Variants in LRCH1 observed in about 807,000 individuals in gnomAD.
LRCH1 encodes the protein leucine rich repeats and calponin homology domain containing 1.
A neutral mutation model predicts 94.9 loss-of-function variants in LRCH1; 23 were observed. That is an observed-to-expected ratio of 0.24 (90% CI 0.17 to 0.34). The LOEUF is 0.34. LRCH1 is among the 10% of genes least tolerant of loss of function. The probability of loss-of-function intolerance (pLI) is 1.00; values close to 1 mark genes in which losing one functional copy is unlikely to be tolerated. For missense variants in LRCH1, 790 were observed against 945.9 expected (o/e 0.84, Z 2.16); for synonymous variants, 364 against 354.9 (o/e 1.03, Z -0.29).
At chr13:46,711,174 G>A (rs1324071414) in intron 13 of LRCH1, among the ~76,000 whole-genome samples, 1 of 152,086 alleles carries the variant, frequency 6.6e-6, no homozygotes, top group African/African-American at 2.4e-5. Flanking sequence ...TGTGTTCTCC[G>A]TGGTATTCAG....
intron 2 of LRCH1, among the ~76,000 whole-genome samples, chr13:46,660,785 T>G (rs1249309627): frequency 6.6e-6 from 1 of 152,212 alleles, no homozygotes; most frequent in Non-Finnish European, 1.5e-5. Flanking sequence ...ATGCCTCTTG[T>G]GTCTCAAATA....
intron 1 of LRCH1, 106 bp from the exon 2 acceptor site, chr13:46,650,095 G>A (rs2051273129): frequency 8.5e-6 from 6 of 707,320 alleles, no homozygotes; most frequent in Admixed American, 6.4e-5. Flanking sequence ...AAATGATAAT[G>A]TTGGTCAAAA....
intron 1 of LRCH1, among the ~76,000 whole-genome samples, chr13:46,634,392 T>C (rs1379763665): frequency 6.6e-6 from 1 of 152,212 alleles, no homozygotes; most frequent in East Asian, 1.9e-4. Flanking sequence ...ACCTGGATCT[T>C]TGTAACCATG....
At chr13:46,617,917 G>A (rs1056538278) in intron 1 of LRCH1, among the ~76,000 whole-genome samples, 1 of 152,042 alleles carries the variant, frequency 6.6e-6, no homozygotes, top group Admixed American at 6.6e-5. Flanking sequence ...TGAGCACTAG[G>A]TATTACTAGA....
intron 1 of LRCH1, among the ~76,000 whole-genome samples, chr13:46,604,647 G>A (rs905117822): frequency 6.6e-6 from 1 of 152,126 alleles, no homozygotes; most frequent in South Asian, 2.1e-4. Flanking sequence ...TGTTCTACAA[G>A]GTTTATCCTT....
chr13:46,735,791 TTC>T (rs1555289042), intron 19 of LRCH1, among the ~76,000 whole-genome samples: 13,743 of 45,430 alleles, frequency 0.3, 1,522 homozygotes, highest in Middle Eastern at 0.39. Flanking sequence ...TCTTTTTCTT[TTC>T]TTTTTTTTTT....
At chr13:46,658,872 A>G (rs1013551813) in intron 2 of LRCH1, among the ~76,000 whole-genome samples, 3 of 152,224 alleles carry the variant, frequency 2.0e-5, no homozygotes, top group African/African-American at 7.2e-5. Context: ...TGTTTGAAAT[A>G]GATTCATTAG....
At position 46,711,786 on chromosome 13, in the gene LRCH1, T is replaced by A; in HGVS notation, c.1528-5T>A. The A allele has an allele frequency of 6.2e-7, 1 of 1,611,622 alleles. No individual in the cohort carries two copies. The highest frequency in any genetic ancestry group is 8.5e-7 in the Non-Finnish European group (1 of 1,178,576). On this transcript the variant is annotated splice_polypyrimidine_tract_variant and splice_region_variant and intron_variant, in intron 13 of 19. Coordinates refer to ENST00000389797, the MANE Select transcript of LRCH1 (RefSeq NM_001164211.2). ...ACATACCATGCTTTGTTCTTCTTTT[T>A]TAAGGTGCAAAGTGATCTAACATTA...
At position 46,744,463 on chromosome 13, in the gene LRCH1, C is replaced by G. The variant is rs1034585293; in HGVS notation, c.*2615C>G. On this transcript the variant is annotated 3_prime_UTR_variant, in exon 20 of 20. Transcript: ENST00000389797. The stretch of plus-strand genomic sequence containing the variant: ...TTTGTGACACCTAATTTCTAATCAT[C>G]TTTCCTATTTATGGATTTCTGGTTT... 2 of 985,412 alleles carry G rather than the reference C, an allele frequency of 2.0e-6. No homozygotes were observed. Among genetic ancestry groups the G allele is most frequent in the Non-Finnish European group, 2.4e-6 (2 of 829,920 alleles). 61.0% of individuals were successfully genotyped at this position (985,412 alleles called of 1,614,324 possible).
intron 1 of LRCH1, among the ~76,000 whole-genome samples, chr13:46,643,313 A>G (rs987092933): frequency 1.3e-5 from 2 of 152,208 alleles, no homozygotes; most frequent in Non-Finnish European, 2.9e-5. Context: ...TGCTTCTGGC[A>G]TGGCTCTGAC....
intron 14 of LRCH1, 74 bp downstream of exon 14, chr13:46,711,918 T>C: frequency 1.8e-6 from 2 of 1,138,598 alleles, no homozygotes; most frequent in South Asian, 1.3e-5. Context: ...TACAGAAATA[T>C]ATAATCTAAG....
chr13:46,689,248 C>A, intron 7 of LRCH1, 52 bp downstream of exon 7: 1 of 1,413,134 alleles, frequency 7.1e-7, no homozygotes, highest in Non-Finnish European at 9.9e-7. Context: ...ACATATCTAC[C>A]AGTGTTCATT....
intron 16 of LRCH1, among the ~76,000 whole-genome samples, chr13:46,720,695 T>C (rs1221008658): frequency 6.6e-6 from 1 of 152,216 alleles, no homozygotes; most frequent in East Asian, 1.9e-4. Context: ...GTTCACTGGA[T>C]TTATTATTTA....
At chr13:46,691,560 G>A (rs1870898075) in intron 7 of LRCH1, among the ~76,000 whole-genome samples, 1 of 152,228 alleles carries the variant, frequency 6.6e-6, no homozygotes. Flanking sequence ...TGTACACAAA[G>A]CATGTGACCA....
At chr13:46,690,869 T>C (rs1390564408) in intron 7 of LRCH1, among the ~76,000 whole-genome samples, 1 of 152,240 alleles carries the variant, frequency 6.6e-6, no homozygotes, top group African/African-American at 2.4e-5. Context: ...GTGATCTTAC[T>C]TCCCATTTAG....
At chr13:46,571,391 A>G (rs1211912325) in intron 1 of LRCH1, among the ~76,000 whole-genome samples, 1 of 152,246 alleles carries the variant, frequency 6.6e-6, no homozygotes, top group African/African-American at 2.4e-5. Flanking sequence ...CATTAGCATG[A>G]GTGCCAGAGA....
rs187603194 is a variant in LRCH1 at position 46,611,588 on chromosome 13, C to A, written c.308-38613C>A. Among the ~76,000 whole-genome samples the A allele has an allele frequency of 5.2e-4, 79 of 152,252 alleles. 1 individual carries two copies. The highest frequency in any genetic ancestry group is 1.2e-3 in the African/African-American group (48 of 41,538). ...ACTTGAATATGTGAGCTTACCTTTT[C>A]ATCTCTAAAGTTTATGATAAAAGAT... On this transcript the variant is annotated intron_variant, in intron 1 of 19. Coordinates refer to ENST00000389797, the MANE Select transcript of LRCH1 (RefSeq NM_001164211.2).
intron 7 of LRCH1, among the ~76,000 whole-genome samples, chr13:46,691,266 T>C (rs1287945953): frequency 2.0e-5 from 3 of 152,074 alleles, no homozygotes; most frequent in African/African-American, 7.2e-5. Flanking sequence ...GAATCATAGG[T>C]TTTCTGAATA....
intron 2 of LRCH1, among the ~76,000 whole-genome samples, 188 bp from the exon 3 acceptor site, chr13:46,668,838 AAAAG>A (rs1160904946): frequency 6.6e-6 from 1 of 151,614 alleles, no homozygotes; most frequent in African/African-American, 2.4e-5. Context: ...TTTTTTTAAA[AAAAG>A]AAAAACATAT....
Sources: allele counts gnomAD v4.1 joint callset (sites outside exome capture counted in the v4.1 genomes callset), GRCh38; gene constraint gnomAD v4.1.1; transcripts MANE v1.5; gene names NCBI Gene and HGNC (gene_info 2026-07-23, HGNC 2026-07-21).